CABLES1: variants seen among roughly 807,000 people sequenced by gnomAD.
The protein encoded by CABLES1 is CDK5 and ABL1 enzyme substrate 1.
A neutral mutation model predicts 57.8 loss-of-function variants in CABLES1; 36 were observed. The observed-to-expected ratio is 0.62, with a 90% confidence interval of 0.48 to 0.82. The LOEUF is 0.82. Ranked by LOEUF, CABLES1 falls within the 40% of genes least tolerant of loss-of-function variation. The pLI is 0.00. For missense variants in CABLES1, 767 were observed against 836.6 expected, an observed-to-expected ratio of 0.92 and a Z score of 1.03; for synonymous variants, 374 against 363.0, an observed-to-expected ratio of 1.03 and a Z score of -0.35.
chr18:23,207,178 CAT>C (rs1349617414), intron 3 of CABLES1, among the ~76,000 whole-genome samples: 4 of 152,124 alleles, frequency 2.6e-5, no homozygotes, highest in African/African-American at 9.7e-5. Context: ...AGGATTAGGT[CAT>C]ATATAAGGGA....
In CABLES1 at chr18:23,202,043, GAGGAAGGA is replaced by G. The variant is rs55652834; in HGVS notation, c.1010+7519_1010+7526del. On this transcript the variant is annotated intron_variant, in intron 3 of 9. Transcript: ENST00000256925. ...AAGCCCGCATGGTGGAGGTGATTGAGAGGAAGGAAGGAAGGAAGGAAGGCGAGATGAGC... is the reference window on the plus strand; with the variant it reads ...AAGCCCGCATGGTGGAGGTGATTGAGAGGAAGGAAGGAAGGCGAGATGAGC... Among the ~76,000 whole-genome samples, 5 of 151,888 alleles carry G rather than the reference GAGGAAGGA, an allele frequency of 3.3e-5. No homozygotes were observed. The East Asian group carries it at 5.8e-4, about 18-fold the overall frequency.
At chr18:23,162,616 A>C (rs1163961715) in intron 1 of CABLES1, among the ~76,000 whole-genome samples, 2 of 152,232 alleles carry the variant, frequency 1.3e-5, no homozygotes, top group Admixed American at 1.3e-4. Context: ...GAAGAAAAGA[A>C]CGTGTATTTC....
chr18:23,236,030 A>G lies in CABLES1; in HGVS notation c.1321A>G (p.Thr441Ala). 1 of 1,614,134 alleles carries G rather than the reference A, an allele frequency of 6.2e-7. No individual in the cohort carries two copies. Among genetic ancestry groups the G allele is most frequent in the Non-Finnish European group, 8.5e-7 (1 of 1,180,038 alleles). Residue 441 changes from threonine to alanine, a missense_variant, in exon 6 of 10, where the codon ACC (threonine) becomes GCC (alanine). Physicochemically the swap from Thr to Ala is moderately conservative, Grantham distance 58. This residue lies in a region of CABLES1 where 529 missense variants were observed against 622.8 expected (regional missense o/e 0.85). Coordinates refer to ENST00000256925, the MANE Select transcript of CABLES1 (RefSeq NM_001100619.3). Reference protein sequence around the residue: ...RSLSIGRASGTQGSLDTGSDL... With the variant: ...RSLSIGRASGAQGSLDTGSDL... ...CCTCTCCATAGGCCGGGCAAGCGGC[A>G]CCCAGGGGAGCCTCGACACAGGTAA...
intron 7 of CABLES1, among the ~76,000 whole-genome samples, chr18:23,248,003 G>A (rs2047940773): frequency 6.6e-6 from 1 of 152,240 alleles, no homozygotes; most frequent in African/African-American, 2.4e-5. Context: ...AGGAAACGGA[G>A]TCCCCAGCTG....
chr18:23,139,684 C>T (rs560089715), intron 1 of CABLES1, among the ~76,000 whole-genome samples: 1 of 152,270 alleles, frequency 6.6e-6, no homozygotes, highest in South Asian at 2.1e-4. Context: ...AGTATAGATT[C>T]TTTCACAGGT....
At chr18:23,231,921 G>T (rs981328147) in intron 4 of CABLES1, among the ~76,000 whole-genome samples, 1 of 152,146 alleles carries the variant, frequency 6.6e-6, no homozygotes, top group Non-Finnish European at 1.5e-5. Context: ...AGGCTGCCCC[G>T]GGGAAGCAGT....
chr18:23,153,600 G>A (rs1327555312), intron 1 of CABLES1, among the ~76,000 whole-genome samples: 19 of 152,022 alleles, frequency 1.2e-4, no homozygotes, highest in Admixed American at 1.1e-3. Context: ...CAGGCGTGGT[G>A]ACACATACCT....
At chr18:23,199,780 T>G (rs2145033584) in intron 3 of CABLES1, among the ~76,000 whole-genome samples, 1 of 152,332 alleles carries the variant, frequency 6.6e-6, no homozygotes, top group South Asian at 2.1e-4. Flanking sequence ...TGCCCAACAT[T>G]GTGCATGTAC....
intron 1 of CABLES1, among the ~76,000 whole-genome samples, chr18:23,160,937 G>A (rs1043504731): frequency 6.6e-6 from 1 of 152,156 alleles, no homozygotes; most frequent in African/African-American, 2.4e-5. Context: ...AGAGGCTAGG[G>A]TACAAGAATC....
At chr18:23,173,293 A>G (rs1460317879) in intron 1 of CABLES1, among the ~76,000 whole-genome samples, 10 of 152,208 alleles carry the variant, frequency 6.6e-5, no homozygotes. Flanking sequence ...GCGCACAGAC[A>G]CCTGCGGGAC....
intron 4 of CABLES1, among the ~76,000 whole-genome samples, chr18:23,232,201 A>G (rs1186071717): frequency 6.6e-6 from 1 of 152,220 alleles, no homozygotes; most frequent in African/African-American, 2.4e-5. Flanking sequence ...TACTCACTCC[A>G]AAAAGATATT....
chr18:23,241,272 A>C (rs1416223425), intron 7 of CABLES1, among the ~76,000 whole-genome samples: 1 of 151,988 alleles, frequency 6.6e-6, no homozygotes, highest in Non-Finnish European at 1.5e-5. Context: ...TATAAATCCC[A>C]GCACTTTGGG....
chr18:23,190,599 C>T (rs1196067557), intron 2 of CABLES1: 1 of 152,212 alleles, frequency 6.6e-6, no homozygotes, highest in Non-Finnish European at 1.5e-5. Context: ...GGTCCTCAGC[C>T]TTGTGGTAGC....
chr18:23,157,165 G>T (rs1198171161), intron 1 of CABLES1, among the ~76,000 whole-genome samples: 2 of 152,182 alleles, frequency 1.3e-5, no homozygotes, highest in African/African-American at 2.4e-5. Context: ...CAAGGCAGGA[G>T]GATCACTTGA....
At chr18:23,191,953 A>AAACAGCTT in intron 2 of CABLES1, among the ~76,000 whole-genome samples, 1 of 149,754 alleles carries the variant, frequency 6.7e-6, no homozygotes, top group Middle Eastern at 3.2e-3. Context: ...GCAACACAAC[A>AAACAGCTT]AACAGCTTGC....
intron 9 of CABLES1, among the ~76,000 whole-genome samples, chr18:23,254,493 T>G (rs2048115896): frequency 1.3e-5 from 2 of 152,226 alleles, no homozygotes; most frequent in Non-Finnish European, 2.9e-5. Context: ...GCCAACTGAT[T>G]AGAAGACAGA....
At chr18:23,163,931 A>G (rs1194954380) in intron 1 of CABLES1, among the ~76,000 whole-genome samples, 1 of 152,200 alleles carries the variant, frequency 6.6e-6, no homozygotes, top group South Asian at 2.1e-4. Flanking sequence ...ATAGCCTATA[A>G]GGTAGGCCCT....
At chr18:23,168,535 T>A (rs955847532) in intron 1 of CABLES1, among the ~76,000 whole-genome samples, 2 of 152,232 alleles carry the variant, frequency 1.3e-5, no homozygotes, top group African/African-American at 4.8e-5. Flanking sequence ...TGGAGGTGGA[T>A]AATGGTGATG....
intron 1 of CABLES1, among the ~76,000 whole-genome samples, chr18:23,184,649 G>C: frequency 6.6e-6 from 1 of 152,158 alleles, no homozygotes; most frequent in East Asian, 1.9e-4. Flanking sequence ...GTTGCAGTGA[G>C]CCAAGATTGT....
Sources: gnomAD v4.1 joint callset for allele counts (sites outside exome capture counted in the v4.1 genomes callset) on GRCh38, gnomAD v4.1.1 for gene constraint, gnomAD v4.1.1 regional missense constraint, MANE v1.5 for transcripts, NCBI Gene and HGNC (gene_info 2026-07-23, HGNC 2026-07-21) for gene names.